Variants in MMS22L observed in about 807,000 individuals in gnomAD.
MMS22L encodes protein MMS22-like.
In MMS22L, 74 loss-of-function variants were observed where a neutral mutation model predicts 159.1. That is an observed-to-expected ratio of 0.47 (90% CI 0.39 to 0.56). The LOEUF (loss-of-function observed/expected upper bound fraction) is 0.56, where lower values mean the gene tolerates loss of function less well. Ranked by LOEUF, MMS22L falls within the 20% of genes least tolerant of loss-of-function variation. The pLI is 0.00. For synonymous variants in MMS22L, 517 were observed against 506.9 expected (o/e 1.02, Z -0.27); for missense variants, 1,351 against 1,422.1 (o/e 0.95, Z 0.80).
At chr6:97,231,804 C>T in intron 12 of MMS22L, 152 bp from the exon 13 acceptor site, 1 of 641,594 alleles carries the variant, frequency 1.6e-6, no homozygotes, top group Non-Finnish European at 2.6e-6. Flanking sequence ...AATAAAAATT[C>T]CATGAAAGTA....
chr6:97,211,754 A>T (rs1808403329), intron 14 of MMS22L, among the ~76,000 whole-genome samples: 1 of 152,178 alleles, frequency 6.6e-6, no homozygotes, highest in Non-Finnish European at 1.5e-5. Context: ...AAAGTGTATC[A>T]ATAACACAGT....
At position 97,204,259 on chromosome 6, in the gene MMS22L, T is replaced by C. The variant is rs182816918; in HGVS notation, c.2040-17569A>G. Among the ~76,000 whole-genome samples the C allele has an allele frequency of 3.3e-5, 5 of 152,276 alleles. No homozygotes were observed. The East Asian group carries it at 5.8e-4, about 18-fold the overall frequency. On this transcript the variant is annotated intron_variant, in intron 14 of 24. Transcript: ENST00000683635. ...TTTCATCCCCATGCCTCCCCTTCAATAGAACTGACATCTTAGTATCTATTA... is the reference window on the plus strand; with the variant it reads ...TTTCATCCCCATGCCTCCCCTTCAACAGAACTGACATCTTAGTATCTATTA...
intron 18 of MMS22L, among the ~76,000 whole-genome samples, chr6:97,178,134 A>G (rs1804311154): frequency 6.6e-6 from 1 of 152,154 alleles, no homozygotes; most frequent in Admixed American, 6.5e-5. Flanking sequence ...GCATCTGAAC[A>G]ATGCGGTTGT....
intron 11 of MMS22L, among the ~76,000 whole-genome samples, chr6:97,240,539 T>C (rs1159330308): frequency 2.0e-5 from 3 of 152,186 alleles, no homozygotes; most frequent in African/African-American, 7.2e-5. Flanking sequence ...CAGGTGGTGT[T>C]TGGTTACATG....
At chr6:97,224,954 G>T (rs1810062675) in intron 14 of MMS22L, among the ~76,000 whole-genome samples, 1 of 152,032 alleles carries the variant, frequency 6.6e-6, no homozygotes, top group African/African-American at 2.4e-5. Context: ...GTGTAAGAAG[G>T]CAGCTGTGGT....
intron 14 of MMS22L, among the ~76,000 whole-genome samples, chr6:97,208,187 T>C (rs999299885): frequency 6.6e-6 from 1 of 152,146 alleles, no homozygotes; most frequent in Non-Finnish European, 1.5e-5. Context: ...ACTTCAAAAC[T>C]AATGTACTCT....
chr6:97,197,998 T>C (rs996653918), intron 14 of MMS22L, among the ~76,000 whole-genome samples: 1 of 152,150 alleles, frequency 6.6e-6, no homozygotes. Flanking sequence ...CCACAATTCT[T>C]TGACACTTCT....
In MMS22L at chr6:97,144,873, A is replaced by G. The variant is rs1222375597; in HGVS notation, c.*1933T>C. ...TACACACTTTGTTGTTACCATTCTT[A>G]AGTACAAATTTTAGTTATTCTTAGT... On this transcript the variant is annotated 3_prime_UTR_variant, in exon 25 of 25. Coordinates refer to ENST00000683635, the MANE Select transcript of MMS22L (RefSeq NM_001350599.2). The G allele has an allele frequency of 6.6e-6, 1 of 152,134 alleles. No individual in the cohort carries two copies. The highest frequency in any genetic ancestry group is 1.5e-5 in the Non-Finnish European group (1 of 68,018). 9.4% of individuals were successfully genotyped at this position (152,134 alleles called of 1,614,324 possible).
rs1302254709 is a variant in MMS22L, at chr6:97,196,936, C to T, written c.2040-10246G>A. On this transcript the variant is annotated intron_variant, in intron 14 of 24. Coordinates refer to ENST00000683635, the MANE Select transcript of MMS22L (RefSeq NM_001350599.2). ...CAATGCTTAAGCGTTATCTTATGCT[C>T]TCATCTAATAAAAGTGAGCATGGGC... 2.6e-5 allele frequency among the ~76,000 whole-genome samples: 4 copies of T among 152,038 alleles called. No individual in the cohort carries two copies. The South Asian group carries it at 6.2e-4, about 24-fold the overall frequency.
intron 11 of MMS22L, 141 bp from the exon 12 acceptor site, chr6:97,234,121 G>A: frequency 1.2e-6 from 1 of 838,202 alleles, no homozygotes; most frequent in Non-Finnish European, 1.8e-6. Context: ...CTCATATGCA[G>A]ACTAGGTCTA....
At chr6:97,174,564 G>A (rs1254709405) in intron 18 of MMS22L, among the ~76,000 whole-genome samples, 1 of 152,118 alleles carries the variant, frequency 6.6e-6, no homozygotes, top group African/African-American at 2.4e-5. Context: ...TGGTGAATAG[G>A]GAAGGAAGTG....
chr6:97,179,120 A>G (rs1316935842), intron 17 of MMS22L, among the ~76,000 whole-genome samples: 1 of 152,168 alleles, frequency 6.6e-6, no homozygotes, highest in African/African-American at 2.4e-5. Context: ...TTCTTTAAAA[A>G]AATAGCTTGT....
At chr6:97,232,412 AGTTT>A (rs1275707554) in intron 12 of MMS22L, among the ~76,000 whole-genome samples, 1 of 152,140 alleles carries the variant, frequency 6.6e-6, no homozygotes, top group Non-Finnish European at 1.5e-5. Flanking sequence ...TCTAAAATAT[AGTTT>A]GTATTTTCTT....
chr6:97,185,164 C>T (rs1805099111), intron 15 of MMS22L, among the ~76,000 whole-genome samples: 1 of 151,716 alleles, frequency 6.6e-6, no homozygotes, highest in African/African-American at 2.4e-5. Flanking sequence ...ATCCTATATT[C>T]CACTCTTTCC....
chr6:97,209,852 A>G (rs1808184742), intron 14 of MMS22L, among the ~76,000 whole-genome samples: 1 of 151,986 alleles, frequency 6.6e-6, no homozygotes, highest in Non-Finnish European at 1.5e-5. Flanking sequence ...TGCATGCTAC[A>G]TAAAGTGAGA....
chr6:97,257,397 T>A lies in MMS22L; in HGVS notation c.943-2664A>T, dbSNP rs556775481. ...AGCGTTCCTCAGACTATACCACTCA[T>A]AACCTTGATATTTTTAGAGTATACC... On this transcript the variant is annotated intron_variant, in intron 9 of 24. Transcript: ENST00000683635. Among the ~76,000 whole-genome samples, 5 of 152,330 alleles carry A rather than the reference T, an allele frequency of 3.3e-5. No individual in the cohort carries two copies. In the South Asian group the frequency reaches 1.0e-3, roughly 32 times the overall value.
intron 9 of MMS22L, among the ~76,000 whole-genome samples, chr6:97,256,002 AAT>A (rs1354410142): frequency 6.6e-6 from 1 of 152,104 alleles, no homozygotes; most frequent in Non-Finnish European, 1.5e-5. Flanking sequence ...ATATCCTGAC[AAT>A]ATGTCTTTTA....
At chr6:97,260,232 C>A (rs1268457302) in intron 9 of MMS22L, 1 of 152,042 alleles carries the variant, frequency 6.6e-6, no homozygotes, top group African/African-American at 2.4e-5. Flanking sequence ...GGGAAGTTTC[C>A]TTTGATTATA....
At chr6:97,197,011 A>G (rs1263789747) in intron 14 of MMS22L, among the ~76,000 whole-genome samples, 2 of 152,158 alleles carry the variant, frequency 1.3e-5, no homozygotes, top group Admixed American at 6.6e-5. Flanking sequence ...AGCTTCACCT[A>G]TAAGCATCAT....
Sources: gnomAD v4.1 joint callset for allele counts (sites outside exome capture counted in the v4.1 genomes callset) on GRCh38, gnomAD v4.1.1 for gene constraint, MANE v1.5 for transcripts, NCBI Gene and HGNC (gene_info 2026-07-23, HGNC 2026-07-21) for gene names.